The following TTC6 variants were observed in gnomAD, a reference collection of about 807,000 sequenced individuals.
The protein encoded by TTC6 is tetratricopeptide repeat protein 6.
TTC6 carries 172 observed loss-of-function variants against 210.4 expected under a neutral mutation model. The ratio of observed to expected loss-of-function variants is 0.82; its 90% CI spans 0.72 to 0.93. The LOEUF is 0.93. TTC6 is among the 40% of genes least tolerant of loss of function. The pLI, the probability that TTC6 is intolerant of heterozygous loss-of-function variation, is 0.00. For synonymous variants in TTC6, 804 were observed against 819.6 expected (o/e 0.98, Z 0.32); for missense variants, 2,414 against 2,318.1 (o/e 1.04, Z -0.85).
intron 21 of TTC6, among the ~76,000 whole-genome samples, chr14:37,805,644 C>A (rs2096116826): frequency 6.6e-6 from 1 of 152,122 alleles, no homozygotes; most frequent in South Asian, 2.1e-4. Context: ...CTCAGCTTTG[C>A]TTTAAAATGC....
chr14:37,838,487 A>G (rs1307030532), intron 29 of TTC6, among the ~76,000 whole-genome samples: 1 of 152,126 alleles, frequency 6.6e-6, no homozygotes, highest in Non-Finnish European at 1.5e-5. Flanking sequence ...TGAGTTGTGA[A>G]TAATCTTGAG....
At chr14:37,633,052 G>A (rs372262510) in intron 1 of TTC6, among the ~76,000 whole-genome samples, 5 of 152,180 alleles carry the variant, frequency 3.3e-5, no homozygotes, top group Non-Finnish European at 7.3e-5. Context: ...ATCTTAGCTC[G>A]CTGGGCTCCG....
intron 6 of TTC6, chr14:37,720,330 C>T (rs79196446): frequency 0.057 from 8,663 of 152,090 alleles, 379 homozygotes; most frequent in Non-Finnish European, 0.089. Flanking sequence ...AAGTGTCTGT[C>T]CAGGCATGCA....
intron 3 of TTC6, 84 bp downstream of exon 5, chr14:37,683,048 C>T (rs773285219): frequency 1.1e-4 from 143 of 1,246,126 alleles, no homozygotes; most frequent in Non-Finnish European, 1.5e-4. Flanking sequence ...CAGGCAAGGA[C>T]CAACGTATGG....
exon 28 of TTC6, chr14:37,826,252 C>A (rs769741190): frequency 6.2e-7 from 1 of 1,612,204 alleles, no homozygotes; most frequent in African/African-American, 1.3e-5. Context: ...AGATACTGAT[C>A]CAAAGAACTA....
chr14:37,661,263 T>C (rs958673868), intron 1 of TTC6, among the ~76,000 whole-genome samples: 1 of 152,224 alleles, frequency 6.6e-6, no homozygotes, highest in Non-Finnish European at 1.5e-5. Context: ...TCTTTGCCCA[T>C]GCCTATGTCC....
intron 25 of TTC6, among the ~76,000 whole-genome samples, chr14:37,816,985 C>G (rs2096143558): frequency 1.3e-5 from 2 of 152,074 alleles, no homozygotes; most frequent in Admixed American, 1.3e-4. Context: ...GCTGACTTCC[C>G]TAACTTCAGA....
At chr14:37,756,700 C>G (rs1053094143) in intron 14 of TTC6, among the ~76,000 whole-genome samples, 2 of 152,168 alleles carry the variant, frequency 1.3e-5, no homozygotes, top group African/African-American at 4.8e-5. Context: ...ATAAAGCCGA[C>G]TCAGTCATGG....
At chr14:37,672,577 G>C (rs117129209) in intron 1 of TTC6, among the ~76,000 whole-genome samples, 1 of 152,132 alleles carries the variant, frequency 6.6e-6, no homozygotes, top group African/African-American at 2.4e-5. Flanking sequence ...AATTCAAAGG[G>C]ATGTCATACT....
intron 29 of TTC6, among the ~76,000 whole-genome samples, chr14:37,829,359 G>T (rs928963882): frequency 3.3e-5 from 5 of 151,554 alleles, no homozygotes; most frequent in African/African-American, 4.8e-5. Flanking sequence ...TAACTCCCTG[G>T]TTTTTTATTT....
intron 10 of TTC6, among the ~76,000 whole-genome samples, chr14:37,740,491 A>T (rs2095915671): frequency 6.6e-6 from 1 of 151,730 alleles, no homozygotes; most frequent in Admixed American, 6.6e-5. Flanking sequence ...AATAAAAAAA[A>T]TTGTTCACTT....
intron 14 of TTC6, among the ~76,000 whole-genome samples, chr14:37,756,714 A>T (rs1259526547): frequency 6.6e-6 from 1 of 152,168 alleles, no homozygotes; most frequent in Non-Finnish European, 1.5e-5. Context: ...GTCATGGTGG[A>T]TAAGCTTTCT....
chr14:37,596,558 G>A (rs781026864), intron 1 of TTC6, among the ~76,000 whole-genome samples: 1 of 152,230 alleles, frequency 6.6e-6, no homozygotes, highest in African/African-American at 2.4e-5. Context: ...TGAAGTGACC[G>A]GGTGATAGGC....
chr14:37,616,051 G>A (rs1295719100), intron 2 of TTC6, among the ~76,000 whole-genome samples: 1 of 152,194 alleles, frequency 6.6e-6, no homozygotes, highest in Non-Finnish European at 1.5e-5. Flanking sequence ...CATTTCACCA[G>A]TCAGTTAAAC....
At chr14:37,800,759 C>T (rs1024298912) in intron 20 of TTC6, among the ~76,000 whole-genome samples, 9 of 152,104 alleles carry the variant, frequency 5.9e-5, no homozygotes, top group African/African-American at 1.4e-4. Flanking sequence ...AAGTGAATCC[C>T]TGTGAAATCC....
intron 16 of TTC6, 48 bp downstream of exon 18, chr14:37,790,885 G>A (rs1263674461): frequency 6.8e-7 from 1 of 1,462,120 alleles, no homozygotes; most frequent in African/African-American, 1.4e-5. Context: ...GTAAAAAATC[G>A]AAAACCTGAA....
chr14:37,662,211 G>A (rs1337395282), intron 1 of TTC6, among the ~76,000 whole-genome samples: 2 of 152,148 alleles, frequency 1.3e-5, no homozygotes. Context: ...TGGTGAGAGA[G>A]GGCATCCTTG....
At chr14:37,768,819 C>T (rs1391135448) in intron 14 of TTC6, among the ~76,000 whole-genome samples, 1 of 151,934 alleles carries the variant, frequency 6.6e-6, no homozygotes, top group Non-Finnish European at 1.5e-5. Context: ...ATTGCCCTGG[C>T]CAGAACTTCC....
At chr14:37,745,074 G>A (rs559420321) in intron 10 of TTC6, among the ~76,000 whole-genome samples, 1 of 152,138 alleles carries the variant, frequency 6.6e-6, no homozygotes, top group South Asian at 2.1e-4. Flanking sequence ...ACATATGTGT[G>A]TGTGTATATA....
Sources: allele counts gnomAD v4.1 joint callset (sites outside exome capture counted in the v4.1 genomes callset), GRCh38; gene constraint gnomAD v4.1.1; transcripts MANE v1.5; gene names NCBI Gene and HGNC (gene_info 2026-07-23, HGNC 2026-07-21).